Variants in CRB1 observed in about 807,000 individuals in gnomAD.
The protein encoded by CRB1 is protein crumbs homolog 1.
In CRB1, 83 loss-of-function variants were observed where a neutral mutation model predicts 120.0. The observed-to-expected ratio is 0.69, with a 90% CI of 0.58 to 0.83. The LOEUF is 0.83. Among genes scored for constraint, CRB1 ranks in the 40% least tolerant of loss-of-function variants. CRB1 has a pLI of 0.00. For missense variants in CRB1, 1,699 were observed against 1,687.6 expected (o/e 1.01, Z -0.12); for synonymous variants, 625 against 612.5 (o/e 1.02, Z -0.30).
chr1:197,203,308 C>T, the CRB1 span, among the ~76,000 whole-genome samples: 3 of 152,094 alleles, frequency 2.0e-5, no homozygotes, highest in Admixed American at 2.0e-4. Context: ...AGTATGCTTT[C>T]TATCATTACT....
At chr1:197,409,914 G>C (rs990838886) in intron 5 of CRB1, among the ~76,000 whole-genome samples, 1 of 152,104 alleles carries the variant, frequency 6.6e-6, no homozygotes, top group Non-Finnish European at 1.5e-5. Flanking sequence ...CTCCTCAGTA[G>C]CTGGGATTAC....
At chr1:197,293,727 G>T (rs1251168686) in intron 1 of CRB1, among the ~76,000 whole-genome samples, 2 of 151,972 alleles carry the variant, frequency 1.3e-5, no homozygotes, top group Non-Finnish European at 2.9e-5. Context: ...ATAGACCAAT[G>T]GAACAGAACA....
the CRB1 span, among the ~76,000 whole-genome samples, chr1:197,246,315 C>T: frequency 6.6e-6 from 1 of 152,026 alleles, no homozygotes; most frequent in Non-Finnish European, 1.5e-5. Flanking sequence ...TACTAGGTTG[C>T]CCCTTTCCTG....
intron 4 of CRB1, among the ~76,000 whole-genome samples, chr1:197,348,570 G>A (rs566366712): frequency 2.0e-4 from 30 of 152,156 alleles, no homozygotes; most frequent in East Asian, 5.8e-4. Context: ...TCCGCCTCCC[G>A]GGTTCACACC....
the CRB1 span, among the ~76,000 whole-genome samples, chr1:197,207,922 T>C: frequency 6.6e-6 from 1 of 151,930 alleles, no homozygotes; most frequent in South Asian, 2.1e-4. Flanking sequence ...TTTTAAATTA[T>C]TTTTTCTTTG....
chr1:197,326,593 T>A (rs1225119116), intron 1 of CRB1, among the ~76,000 whole-genome samples: 1 of 152,094 alleles, frequency 6.6e-6, no homozygotes, highest in Admixed American at 6.6e-5. Context: ...ATCATGCTAC[T>A]GTACTCCAGC....
In CRB1 at chr1:197,434,825, A is replaced by G. The variant is rs1448933231; in HGVS notation, c.2962A>G (p.Ile988Val). Residue 988 changes from isoleucine to valine, a missense_variant, in exon 9 of 12, where the codon ATA becomes GTA. Physicochemically the swap from Ile to Val is conservative, Grantham distance 29. Coordinates refer to ENST00000367400, the MANE Select transcript of CRB1 (RefSeq NM_201253.3). ...FGFRTRDANV[I>V]ILHAEKEPEF... ...TTTCAGAACAAGGGATGCAAATGTA[A>G]TAATATTGCATGCAGAAAAAGAGCC... 1 of 1,613,686 alleles carries G rather than the reference A, an allele frequency of 6.2e-7. No homozygotes were observed. Among genetic ancestry groups the G allele is most frequent in the Non-Finnish European group, 8.5e-7 (1 of 1,179,752 alleles).
the CRB1 span, chr1:197,222,429 G>A: frequency 1.3e-6 from 1 of 768,502 alleles, no homozygotes; most frequent in Middle Eastern, 3.7e-4. Flanking sequence ...TCGTCCTCGG[G>A]CTACCGTCAT....
chr1:197,381,775 T>C (rs1344765233), intron 5 of CRB1, among the ~76,000 whole-genome samples: 2 of 152,192 alleles, frequency 1.3e-5, no homozygotes, highest in Admixed American at 6.5e-5. Context: ...TTAACTAACA[T>C]GAAAAATTTT....
chr1:197,413,948 G>C (rs923205717), intron 5 of CRB1: 1 of 457,080 alleles, frequency 2.2e-6, no homozygotes, highest in Non-Finnish European at 4.4e-6. Context: ...TTAACAGAAA[G>C]ATGTTTGGAG....
chr1:197,367,666 T>A (rs1661146505), intron 5 of CRB1, among the ~76,000 whole-genome samples: 1 of 152,288 alleles, frequency 6.6e-6, no homozygotes, highest in Non-Finnish European at 1.5e-5. Context: ...AACCATCTCA[T>A]CCAAGTCCAA....
the CRB1 span, among the ~76,000 whole-genome samples, chr1:197,229,549 G>A: frequency 3.9e-5 from 6 of 152,074 alleles, no homozygotes; most frequent in Non-Finnish European, 5.9e-5. Flanking sequence ...GAGTGATCCC[G>A]TCACCCAGGT....
chr1:197,435,163 A>G lies in CRB1; in HGVS notation c.3300A>G (p.Ile1100Met), dbSNP rs1665083227. ...GCCTGCAAGGGTGTCTAAGTACAAT[A>G]GAAATCGGAGGCATTTATCTCTCTT... ...IKGLQGCLST[I>M]EIGGIYLSYF... Residue 1100 changes from isoleucine (I) to methionine (M), a missense_variant, in exon 9 of 12, where the codon ATA becomes ATG. Transcript: ENST00000367400. 13 of 1,613,832 alleles carry G rather than the reference A, an allele frequency of 8.1e-6. No homozygotes were observed. In the East Asian group the frequency reaches 2.7e-4, roughly 33 times the overall value.
At chr1:197,229,398 GC>G in the CRB1 span, among the ~76,000 whole-genome samples, 1 of 152,196 alleles carries the variant, frequency 6.6e-6, no homozygotes, top group Non-Finnish European at 1.5e-5. Flanking sequence ...TCAGACACAA[GC>G]CTAGAGTCTT....
At chr1:197,310,714 A>C (rs1465985355) in intron 1 of CRB1, among the ~76,000 whole-genome samples, 1 of 152,166 alleles carries the variant, frequency 6.6e-6, no homozygotes. Context: ...AGCATATTCT[A>C]TCTGGTTCAC....
At chr1:197,386,885 GTTA>G (rs1248140662) in intron 5 of CRB1, among the ~76,000 whole-genome samples, 1 of 152,038 alleles carries the variant, frequency 6.6e-6, no homozygotes, top group Non-Finnish European at 1.5e-5. Context: ...TAATTTTATA[GTTA>G]TTATAAAAAG....
At chr1:197,307,933 T>G (rs1455503886) in intron 1 of CRB1, among the ~76,000 whole-genome samples, 1 of 152,204 alleles carries the variant, frequency 6.6e-6, no homozygotes, top group East Asian at 1.9e-4. Flanking sequence ...ATCTCATTAC[T>G]GGGTATATAT....
the CRB1 span, among the ~76,000 whole-genome samples, chr1:197,263,164 CT>C: frequency 6.6e-6 from 1 of 152,020 alleles, no homozygotes; most frequent in African/African-American, 2.4e-5. Flanking sequence ...TAAGTGTTCC[CT>C]TTATCTGTAG....
At chr1:197,258,412 C>T in the CRB1 span, among the ~76,000 whole-genome samples, 1 of 152,158 alleles carries the variant, frequency 6.6e-6, no homozygotes, top group Non-Finnish European at 1.5e-5. Context: ...CTTACTGTCT[C>T]TACTTGCTAA....
Sources: gnomAD v4.1 joint callset for allele counts (sites outside exome capture counted in the v4.1 genomes callset) on GRCh38, gnomAD v4.1.1 for gene constraint, MANE v1.5 for transcripts, NCBI Gene and HGNC (gene_info 2026-07-23, HGNC 2026-07-21) for gene names.